Variants in ZFHX3 observed in about 807,000 individuals in gnomAD.
The protein encoded by ZFHX3 is zinc finger homeobox protein 3.
Under a neutral mutation model 279.1 loss-of-function variants are expected in ZFHX3, and 42 were observed. The ratio of observed to expected loss-of-function variants is 0.15; its 90% CI spans 0.12 to 0.19. The LOEUF (loss-of-function observed/expected upper bound fraction) is 0.19. Ranked by LOEUF, ZFHX3 falls within the 10% of genes least tolerant of loss-of-function variation. The pLI is 1.00. For missense variants in ZFHX3, 4,981 were observed against 4,754.0 expected (o/e 1.05, Z -1.40); for synonymous variants, 2,293 against 1,957.8 (o/e 1.17, Z -4.52).
At chr16:73,543,910 G>C (rs1220939932) in intron 2 of ZFHX3, 2 of 149,812 alleles carry the variant, frequency 1.3e-5, no homozygotes, top group African/African-American at 2.5e-5. Context: ...GAGAGAGAGA[G>C]ACAGAGGGAG....
chr16:72,829,708 G>A (rs1464916101), intron 5 of ZFHX3, 71 bp downstream of exon 5: 6 of 1,549,064 alleles, frequency 3.9e-6, no homozygotes, highest in Non-Finnish European at 5.3e-6. Context: ...CATTCTTCCA[G>A]GGAAGGAAAG....
At chr16:72,955,717 G>A (rs1257811914) in intron 2 of ZFHX3, among the ~76,000 whole-genome samples, 1 of 144,516 alleles carries the variant, frequency 6.9e-6, no homozygotes, top group Admixed American at 7.4e-5. Flanking sequence ...GGTGGATGTT[G>A]CAGTGAGCCG....
chr16:73,870,512 CT>C (rs1200318876), intron 1 of ZFHX3, among the ~76,000 whole-genome samples: 2 of 152,112 alleles, frequency 1.3e-5, no homozygotes, highest in Non-Finnish European at 1.5e-5. Context: ...ACAAATCCCC[CT>C]TTTTTTAAGG....
chr16:73,316,251 C>T (rs904797476), intron 4 of ZFHX3, among the ~76,000 whole-genome samples: 2 of 152,178 alleles, frequency 1.3e-5, no homozygotes, highest in African/African-American at 4.8e-5. Flanking sequence ...GGAAAACCAA[C>T]CTGAATGTAG....
chr16:72,963,892 C>T (rs139765186), intron 1 of ZFHX3, among the ~76,000 whole-genome samples: 1 of 152,136 alleles, frequency 6.6e-6, no homozygotes, highest in Non-Finnish European at 1.5e-5. Flanking sequence ...TGTTAATTAG[C>T]ACAGGGTTAA....
At chr16:73,654,854 C>CTTTT (rs1382941693) in intron 2 of ZFHX3, among the ~76,000 whole-genome samples, 59 of 64,144 alleles carry the variant, frequency 9.2e-4, no homozygotes, top group Middle Eastern at 0.018. Flanking sequence ...ATAGTAATCA[C>CTTTT]TTTTTTTTTT....
At chr16:72,861,110 C>T (rs571050187) in intron 4 of ZFHX3, among the ~76,000 whole-genome samples, 1 of 152,296 alleles carries the variant, frequency 6.6e-6, no homozygotes, top group African/African-American at 2.4e-5. Flanking sequence ...ACCTGGCAGA[C>T]ACCTGTGTCC....
At chr16:73,096,072 G>A (rs1001999052) in intron 7 of ZFHX3, among the ~76,000 whole-genome samples, 3 of 152,152 alleles carry the variant, frequency 2.0e-5, no homozygotes, top group African/African-American at 7.2e-5. Flanking sequence ...TGCTGGCCCC[G>A]GGCCAAGAAG....
chr16:73,449,914 A>G (rs544657494), intron 3 of ZFHX3, among the ~76,000 whole-genome samples: 6 of 152,334 alleles, frequency 3.9e-5, no homozygotes, highest in African/African-American at 1.4e-4. Context: ...AGGATCAGAA[A>G]TGCTTCAATT....
chr16:73,340,376 C>T (rs1472935667), intron 3 of ZFHX3, among the ~76,000 whole-genome samples: 2 of 152,162 alleles, frequency 1.3e-5, no homozygotes, highest in East Asian at 3.9e-4. Flanking sequence ...TTTACTTATT[C>T]AGAAACAGGT....
intron 3 of ZFHX3, among the ~76,000 whole-genome samples, chr16:72,935,666 G>T (rs980081411): frequency 6.6e-6 from 1 of 151,902 alleles, no homozygotes; most frequent in South Asian, 2.1e-4. Context: ...CTCGGGAGGG[G>T]GGGGTTGCAG....
intron 3 of ZFHX3, among the ~76,000 whole-genome samples, chr16:72,922,297 C>T (rs183421183): frequency 6.6e-6 from 1 of 152,258 alleles, no homozygotes; most frequent in Admixed American, 6.5e-5. Context: ...GCTGAAGGAG[C>T]TTTAACCCTC....
chr16:73,887,580 T>C (rs1307879719), intron 1 of ZFHX3, among the ~76,000 whole-genome samples: 1 of 152,090 alleles, frequency 6.6e-6, no homozygotes, highest in Admixed American at 6.6e-5. Context: ...AAGCAGGCTC[T>C]TGTCAGATGG....
At chr16:73,860,570 T>G (rs1961855052) in intron 1 of ZFHX3, among the ~76,000 whole-genome samples, 1 of 152,224 alleles carries the variant, frequency 6.6e-6, no homozygotes, top group Non-Finnish European at 1.5e-5. Flanking sequence ...AGACCTCTTG[T>G]CTACTACGCC....
exon 8 of ZFHX3, chr16:73,093,327 C>T: frequency 2.4e-6 from 1 of 415,414 alleles, no homozygotes; most frequent in Non-Finnish European, 4.8e-6. Flanking sequence ...TATTGAAAGC[C>T]AGAAGTGTGC....
chr16:73,353,934 G>C (rs2016291970), intron 3 of ZFHX3, among the ~76,000 whole-genome samples: 1 of 152,146 alleles, frequency 6.6e-6, no homozygotes, highest in African/African-American at 2.4e-5. Flanking sequence ...ATTGTATGAA[G>C]CACTTCACAT....
Position 72,796,733 on chromosome 16 carries a change from G to C in ZFHX3, c.5949C>G (p.Leu1983=), listed in dbSNP as rs754722414. The C allele has an allele frequency of 3.1e-6, 5 of 1,613,632 alleles. No homozygotes were observed. In the African/African-American group the frequency reaches 6.7e-5, roughly 22 times the overall value. The change falls in exon 9 of 10, where the codon CTC becomes CTG. Residue 1983 remains leucine, a synonymous_variant. Transcript: ENST00000268489. ...KTDQGENLEK[L]ECDSCGKLFS... is the part of the protein sequence containing the mutation. ...ACAACTTGCCGCAGGAGTCACACTC[G>C]AGCTTTTCCAGGTTCTCTCCCTGGT... is the stretch of plus-strand genomic sequence containing the variant.
intron 8 of ZFHX3, among the ~76,000 whole-genome samples, chr16:73,091,601 A>G (rs1966083243): frequency 6.6e-6 from 1 of 152,192 alleles, no homozygotes; most frequent in Non-Finnish European, 1.5e-5. Flanking sequence ...GTTTCCTCTG[A>G]GGACCCTGAT....
chr16:72,979,855 A>G (rs1174483834), intron 1 of ZFHX3, among the ~76,000 whole-genome samples: 1 of 152,216 alleles, frequency 6.6e-6, no homozygotes, highest in African/African-American at 2.4e-5. Flanking sequence ...TTTGGCTCTA[A>G]GCTTTCTAAA....
Sources: gnomAD v4.1 joint callset for allele counts (sites outside exome capture counted in the v4.1 genomes callset) on GRCh38, gnomAD v4.1.1 for gene constraint, MANE v1.5 for transcripts, NCBI Gene and HGNC (gene_info 2026-07-23, HGNC 2026-07-21) for gene names.